SHISA9: variants seen among roughly 807,000 people sequenced by gnomAD.
SHISA9 encodes the protein shisa family member 9, also known as protein shisa-9.
A neutral mutation model predicts 38.0 loss-of-function variants in SHISA9; 13 were observed. That is an observed-to-expected ratio of 0.34 (90% confidence interval 0.22 to 0.54). SHISA9 has a LOEUF of 0.54. Among genes scored for constraint, SHISA9 ranks in the 20% least tolerant of loss-of-function variants. The pLI is 0.91. For synonymous variants in SHISA9, 275 were observed against 242.0 expected (o/e 1.14, Z -1.27); for missense variants, 538 against 575.8 (o/e 0.93, Z 0.67).
the SHISA9 span, among the ~76,000 whole-genome samples, chr16:13,327,198 C>T: frequency 1.3e-5 from 2 of 152,124 alleles, no homozygotes; most frequent in Admixed American, 6.5e-5. Flanking sequence ...TCTCCCTGCC[C>T]GCTGCACTAG....
the SHISA9 span, among the ~76,000 whole-genome samples, chr16:13,469,358 G>GAAAGAAAGAAAAGA: frequency 3.0e-5 from 2 of 67,598 alleles, no homozygotes; most frequent in South Asian, 5.1e-4. Context: ...AAGAAAGAAA[G>GAAAGAAAGAAAAGA]AAAAGAAAAA....
chr16:13,058,640 G>A (rs116809766), intron 2 of SHISA9, among the ~76,000 whole-genome samples: 47 of 152,284 alleles, frequency 3.1e-4, no homozygotes, highest in African/African-American at 1.1e-3. Flanking sequence ...CAAGCCCAAT[G>A]TAAGGGAAAA....
At chr16:13,322,690 C>T in the SHISA9 span, among the ~76,000 whole-genome samples, 6 of 152,128 alleles carry the variant, frequency 3.9e-5, no homozygotes, top group Admixed American at 1.3e-4. Context: ...TCTCGCATCC[C>T]CATCCATCCT....
chr16:13,092,125 C>T (rs1029218806), intron 2 of SHISA9, among the ~76,000 whole-genome samples: 2 of 152,184 alleles, frequency 1.3e-5, no homozygotes, highest in African/African-American at 2.4e-5. Context: ...TGGGTATCAC[C>T]ACCAGAGGCT....
chr16:13,234,467 AG>A (rs2051361229), intron 4 of SHISA9, among the ~76,000 whole-genome samples: 2 of 152,234 alleles, frequency 1.3e-5, no homozygotes, highest in African/African-American at 4.8e-5. Flanking sequence ...AGCTGCTGGC[AG>A]GTGTCACAGT....
the SHISA9 span, among the ~76,000 whole-genome samples, chr16:13,267,961 G>C: frequency 6.6e-6 from 1 of 151,644 alleles, no homozygotes; most frequent in African/African-American, 2.4e-5. Flanking sequence ...ATGGCCAAAG[G>C]ATTCCTCCAG....
intron 2 of SHISA9, among the ~76,000 whole-genome samples, chr16:13,004,323 T>A (rs1478838674): frequency 6.6e-6 from 1 of 152,190 alleles, no homozygotes; most frequent in Non-Finnish European, 1.5e-5. Context: ...AGAATTCAGG[T>A]TGCCTGAGGG....
chr16:12,908,129 A>ACATGGCTACTGTTCAG (rs55838036), intron 1 of SHISA9, among the ~76,000 whole-genome samples: 3 of 152,016 alleles, frequency 2.0e-5, no homozygotes, highest in Non-Finnish European at 4.4e-5. Flanking sequence ...AGGACCTGTC[A>ACATGGCTACTGTTCAG]CAACTATTAC....
rs2071150046 is a variant in SHISA9, at chr16:12,909,406, GT to G, written c.563+6782del. ...AAGTGCTCAGGAACTCTATTCAAGT[GT>G]TTAAAAGTCAACACATAGATTGGAC... On this transcript the variant is annotated intron_variant, in intron 1 of 4. Transcript: ENST00000558583. 5 of 985,436 alleles carry G rather than the reference GT, an allele frequency of 5.1e-6. No homozygotes were observed. In the East Asian group the frequency reaches 5.7e-4, roughly 112 times the overall value. 61.0% of individuals were successfully genotyped at this position (985,436 alleles called of 1,614,324 possible). A position where few individuals can be genotyped will look rare whatever the true frequency, so the allele number is the denominator to read the frequency against.
At chr16:13,342,809 G>A in the SHISA9 span, among the ~76,000 whole-genome samples, 1 of 152,052 alleles carries the variant, frequency 6.6e-6, no homozygotes, top group African/African-American at 2.4e-5. Flanking sequence ...CTTGGCTCCT[G>A]TTCTCCCTCC....
chr16:13,551,142 T>C, the SHISA9 span, among the ~76,000 whole-genome samples: 1 of 146,214 alleles, frequency 6.8e-6, no homozygotes. Flanking sequence ...AAAAAAGAAG[T>C]GATGGGCACA....
At chr16:13,069,413 CAT>C (rs1464723144) in intron 2 of SHISA9, among the ~76,000 whole-genome samples, 1 of 151,472 alleles carries the variant, frequency 6.6e-6, no homozygotes, top group African/African-American at 2.4e-5. Context: ...ACAATGTGTG[CAT>C]GTGTGTGTAT....
chr16:13,557,678 G>A, the SHISA9 span, among the ~76,000 whole-genome samples: 21 of 152,264 alleles, frequency 1.4e-4, no homozygotes, highest in Middle Eastern at 0.01. Context: ...GAACTTTGAG[G>A]ATAATTTACT....
the SHISA9 span, among the ~76,000 whole-genome samples, chr16:13,311,786 G>A: frequency 2.0e-5 from 3 of 152,102 alleles, no homozygotes; most frequent in African/African-American, 7.2e-5. Flanking sequence ...ACTTCCAAGC[G>A]TGATTCCTTC....
the SHISA9 span, among the ~76,000 whole-genome samples, chr16:13,424,371 T>G: frequency 6.6e-6 from 1 of 152,252 alleles, no homozygotes; most frequent in African/African-American, 2.4e-5. Flanking sequence ...TCTTGGCCAC[T>G]TCTGGCCTTA....
At chr16:13,549,048 T>C in the SHISA9 span, among the ~76,000 whole-genome samples, 2 of 152,172 alleles carry the variant, frequency 1.3e-5, no homozygotes, top group African/African-American at 4.8e-5. Context: ...AGAGAGAAAA[T>C]TCCTGTTATT....
chr16:13,555,123 A>C, the SHISA9 span, among the ~76,000 whole-genome samples: 1 of 152,236 alleles, frequency 6.6e-6, no homozygotes, highest in Non-Finnish European at 1.5e-5. Context: ...CCTAATTTCC[A>C]AATCTAGTCA....
At chr16:13,533,665 G>A in the SHISA9 span, among the ~76,000 whole-genome samples, 1 of 151,376 alleles carries the variant, frequency 6.6e-6, no homozygotes, top group South Asian at 2.1e-4. Context: ...CTTATGCAAA[G>A]CCCCTTCTTC....
chr16:13,221,647 A>G (rs2051227157), intron 4 of SHISA9, among the ~76,000 whole-genome samples: 1 of 152,182 alleles, frequency 6.6e-6, no homozygotes, highest in African/African-American at 2.4e-5. Flanking sequence ...TTCACCTATC[A>G]TACAATTCAC....
Sources: allele counts gnomAD v4.1 joint callset (sites outside exome capture counted in the v4.1 genomes callset), GRCh38; gene constraint gnomAD v4.1.1; transcripts MANE v1.5; gene names NCBI Gene and HGNC (gene_info 2026-07-23, HGNC 2026-07-21).